The following HTR3D variants were observed in gnomAD, a reference collection of about 807,000 sequenced individuals.
HTR3D encodes the protein 5-hydroxytryptamine receptor 3D, also known as 5-hydroxytryptamine (serotonin) receptor 3 family member D.
In HTR3D, 47 loss-of-function variants were observed where a neutral mutation model predicts 45.8. That is an observed-to-expected ratio of 1.03 (90% CI 0.81 to 1.31). HTR3D has a LOEUF of 1.31. HTR3D is among the 50% of genes most tolerant of loss of function. The pLI, the probability that HTR3D is intolerant of heterozygous loss-of-function variation, is 0.00. For missense variants in HTR3D, 448 were observed against 506.9 expected (o/e 0.88, Z 1.12); for synonymous variants, 203 against 199.8 (o/e 1.02, Z -0.13).
At chr3:184,034,741 T>G (rs867671062) in intron 1 of HTR3D, among the ~76,000 whole-genome samples, 16 of 131,248 alleles carry the variant, frequency 1.2e-4, no homozygotes, top group African/African-American at 5.5e-4. Context: ...GGCAGGAGAA[T>G]CACCTGAACC....
At chr3:184,036,164 G>A (rs1028644603) in intron 3 of HTR3D, 64 bp downstream of exon 3, 16 of 1,511,714 alleles carry the variant, frequency 1.1e-5, no homozygotes, top group Admixed American at 6.8e-5. Flanking sequence ...CAATGTTACC[G>A]ATAAGGCCAC....
In HTR3D at chr3:184,037,022, C is replaced by T. The variant is rs966585735; in HGVS notation, c.516+126C>T. On this transcript the variant is annotated intron_variant, in intron 5 of 7. Transcript: ENST00000428798. ...GGATTACGGGCGTGAACCACGAAGC[C>T]CGGCCTTTGTCACTCTTTTTTTTTT... is the stretch of plus-strand genomic sequence containing the variant. 3.6e-6 allele frequency: 3 copies of T among 844,128 alleles called. No individual in the cohort carries two copies. In the African/African-American group the frequency reaches 5.3e-5, roughly 15 times the overall value. The allele number at this position is 844,128 out of a possible 1,614,324, so 52.3% of individuals were successfully genotyped here. A position where few individuals can be genotyped will look rare whatever the true frequency, so the allele number is the denominator to read the frequency against.
At chr3:184,035,720 C>G (rs1722866587) in intron 2 of HTR3D, among the ~76,000 whole-genome samples, 1 of 149,694 alleles carries the variant, frequency 6.7e-6, no homozygotes, top group Non-Finnish European at 1.5e-5. Flanking sequence ...GAGTCTCACT[C>G]TGTCGCCCAG....
chr3:184,033,050 A>G (rs1346090072), intron 1 of HTR3D: 1 of 1,551,502 alleles, frequency 6.4e-7, no homozygotes, highest in African/African-American at 1.4e-5. Flanking sequence ...CTTGTCTGCC[A>G]TCTGGAAGTT....
At chr3:184,035,294 G>A in intron 2 of HTR3D, 72 bp downstream of exon 2, 1 of 1,280,332 alleles carries the variant, frequency 7.8e-7, no homozygotes, top group Non-Finnish European at 1.1e-6. Flanking sequence ...GTCCAGCTTT[G>A]CAGATTATAT....
chr3:184,031,890 G>T (rs1254397321), intron 1 of HTR3D, 83 bp downstream of exon 1: 1 of 919,392 alleles, frequency 1.1e-6, no homozygotes, highest in Non-Finnish European at 1.7e-6. Flanking sequence ...TTTATTCTGA[G>T]ATAGTCAATG....
intron 2 of HTR3D, 97 bp from the exon 3 acceptor site, chr3:184,035,918 C>G (rs1722871878): frequency 7.9e-7 from 1 of 1,265,106 alleles, no homozygotes; most frequent in East Asian, 2.6e-5. Context: ...GTCCTGAACT[C>G]CTGACCTTCA....
chr3:184,036,889 T>C lies in HTR3D; in HGVS notation c.509T>C (p.Ile170Thr), dbSNP rs1560074882. The C allele has an allele frequency of 1.2e-5, 18 of 1,551,270 alleles. No individual in the cohort carries two copies. Among genetic ancestry groups the C allele is most frequent in the Non-Finnish European group, 1.6e-5 (18 of 1,146,818 alleles). The change falls in exon 5 of 8, where the codon ATC becomes ACC. Residue 170 changes from isoleucine to threonine, a missense_variant. Coordinates refer to ENST00000428798, the MANE Select transcript of HTR3D (RefSeq NM_001145143.1). ...GCCACTAACCAGTATGAACAAGCCA[T>C]CTTCCATGTGAGCTCAGGGGCCAAG... The part of the protein sequence containing the change: ...TVATNQYEQA[I>T]FHVAIRRRCR...
chr3:184,037,489 C>T (rs1722942672), intron 5 of HTR3D, among the ~76,000 whole-genome samples: 1 of 152,176 alleles, frequency 6.6e-6, no homozygotes, highest in Admixed American at 6.5e-5. Flanking sequence ...TCCCCAATGG[C>T]TGTCAGAACT....
chr3:184,037,337 C>A (rs758224572), intron 5 of HTR3D, among the ~76,000 whole-genome samples: 1 of 152,140 alleles, frequency 6.6e-6, no homozygotes. Context: ...CCGTGCCCAG[C>A]CTTTTGTCAC....
In HTR3D at chr3:184,038,720, A is replaced by T; in HGVS notation, c.986-26A>T. 1 of 1,565,252 alleles carries T rather than the reference A, an allele frequency of 6.4e-7. No homozygotes were observed. The highest frequency in any genetic ancestry group is 8.7e-7 in the Non-Finnish European group (1 of 1,153,956). ...CCTCCACAGGTGACATTTGCAGCCC[A>T]TGGCTGAGTCTCTGTCTTTCTGTAG... On this transcript the variant is annotated intron_variant, in intron 7 of 7. Coordinates refer to ENST00000428798, the MANE Select transcript of HTR3D (RefSeq NM_001145143.1). This position sits in a 1 kb window ranked among gnomAD's most constrained non-coding sequence, Gnocchi z 4.5.
chr3:184,033,480 T>C (rs909883575), intron 1 of HTR3D, among the ~76,000 whole-genome samples: 1 of 152,074 alleles, frequency 6.6e-6, no homozygotes. Context: ...GCAAAGGACT[T>C]GAATAGACAT....
intron 5 of HTR3D, among the ~76,000 whole-genome samples, chr3:184,037,205 A>C (rs1279061308): frequency 2.6e-5 from 4 of 151,224 alleles, no homozygotes; most frequent in Non-Finnish European, 1.5e-5. Flanking sequence ...ATGCCCGGCT[A>C]ATTTTTGTAT....
Position 184,038,196 on chromosome 3 carries a change from A to G in HTR3D, c.692A>G (p.Asn231Ser), listed in dbSNP as rs1403643819. The change falls in exon 6 of 8, where the codon AAT becomes AGT. Residue 231 changes from asparagine to serine, a missense_variant. Asn to Ser is a conservative substitution (Grantham distance 46). Transcript: ENST00000428798. The surrounding 1 kb of genome is among the most constrained non-coding windows in gnomAD (Gnocchi z 4.5). ...TACAGCGTCTTCCTGCTCATGATGA[A>G]TGACTTGCTCCCAGCCACTAGCACT... is the stretch of plus-strand genomic sequence containing the variant. ...LGYSVFLLMM[N>S]DLLPATSTSS... The G allele has an allele frequency of 2.5e-6, 4 of 1,614,148 alleles. No homozygotes were observed. Among genetic ancestry groups the G allele is most frequent in the East Asian group, 4.5e-5 (2 of 44,884 alleles).
At position 184,036,400 on chromosome 3, in the gene HTR3D, A is replaced by G; in HGVS notation, c.223A>G (p.Met75Val). 1 of 1,614,198 alleles carries G rather than the reference A, an allele frequency of 6.2e-7. No homozygotes were observed. The highest frequency in any genetic ancestry group is 8.5e-7 in the Non-Finnish European group (1 of 1,180,008). Residue 75 changes from methionine (M) to valine (V), a missense_variant, in exon 4 of 8, where the codon ATG becomes GTG. Met to Val is a conservative substitution (Grantham distance 21). Coordinates refer to ENST00000428798, the MANE Select transcript of HTR3D (RefSeq NM_001145143.1). ...TGTGGATCAGACACCTGCAGGTCTCATGGCTAGTATGTCAATAGTGAAGGC... is the reference window on the plus strand; with the variant it reads ...TGTGGATCAGACACCTGCAGGTCTCGTGGCTAGTATGTCAATAGTGAAGGC... ...ESVDQTPAGL[M>V]ASMSIVKATS...
chr3:184,035,624 TAA>T (rs1382805081), intron 2 of HTR3D, among the ~76,000 whole-genome samples: 5 of 151,516 alleles, frequency 3.3e-5, no homozygotes, highest in Non-Finnish European at 5.9e-5. Flanking sequence ...AGAGCAAAAC[TAA>T]AACTAGTTCC....
chr3:184,032,971 G>A (rs1722791943), intron 1 of HTR3D: 1 of 1,552,176 alleles, frequency 6.4e-7, no homozygotes, highest in East Asian at 2.4e-5. Flanking sequence ...TTCAAGCAGT[G>A]TTTGACAGAA....
intron 5 of HTR3D, among the ~76,000 whole-genome samples, chr3:184,037,387 G>C (rs1722939364): frequency 6.6e-6 from 1 of 152,058 alleles, no homozygotes. Flanking sequence ...AACAATACCT[G>C]GTACTCAGTA....
chr3:184,033,903 C>A (rs1289251766), intron 1 of HTR3D, among the ~76,000 whole-genome samples: 1 of 152,034 alleles, frequency 6.6e-6, no homozygotes, highest in African/African-American at 2.4e-5. Flanking sequence ...GGTGACAGAG[C>A]AAGACTCTGT....
Sources: allele counts gnomAD v4.1 joint callset (sites outside exome capture counted in the v4.1 genomes callset), GRCh38; gene constraint gnomAD v4.1.1; non-coding constraint Gnocchi (gnomAD v3.1); transcripts MANE v1.5; gene names NCBI Gene and HGNC (gene_info 2026-07-23, HGNC 2026-07-21).